The following FLRT2 variants were observed in gnomAD, a reference collection of about 807,000 sequenced individuals.
FLRT2 encodes fibronectin leucine rich transmembrane protein 2.
Under a neutral mutation model 40.0 loss-of-function variants are expected in FLRT2, and 15 were observed. The ratio of observed to expected loss-of-function variants is 0.38; its 90% CI spans 0.25 to 0.58. FLRT2 has a LOEUF of 0.58. FLRT2 is among the 20% of genes least tolerant of loss of function. FLRT2 has a pLI of 0.71. For synonymous variants in FLRT2, 380 were observed against 336.8 expected, an observed-to-expected ratio of 1.13 and a Z score of -1.41; for missense variants, 726 against 840.0, an observed-to-expected ratio of 0.86 and a Z score of 1.68.
intron 1 of FLRT2, among the ~76,000 whole-genome samples, chr14:85,532,884 C>A: frequency 6.6e-6 from 1 of 152,160 alleles, no homozygotes; most frequent in East Asian, 1.9e-4. Context: ...GGCAGTACAC[C>A]ATTAAGCAGG....
In FLRT2 at chr14:85,643,398, T is replaced by C. The variant is rs1267091908; in HGVS notation, c.*19901T>C. The C allele has an allele frequency of 1.5e-5, 2 of 131,742 alleles. No individual in the cohort carries two copies. The highest frequency in any genetic ancestry group is 2.8e-5 in the African/African-American group (1 of 35,900). 8.2% of individuals were successfully genotyped at this position (131,742 alleles called of 1,614,324 possible). A position where few individuals can be genotyped will look rare whatever the true frequency, so the allele number is the denominator to read the frequency against. ...TCCTTTCTTTCCTTTCTCCTTTTTC[T>C]TTTTTTTGTTTTGAGACAGGTTCTC... On this transcript the variant is annotated 3_prime_UTR_variant, in exon 2 of 2. Transcript: ENST00000330753.
In FLRT2 at chr14:85,645,265, T is replaced by C. The variant is rs1417136386; in HGVS notation, c.*21768T>C. Reference sequence around the variant, plus strand: ...ATATGTATACATGTGTATATATGTATACATGTGTATATATGTATATACATA... The same window carrying C: ...ATATGTATACATGTGTATATATGTACACATGTGTATATATGTATATACATA... On this transcript the variant is annotated 3_prime_UTR_variant, in exon 2 of 2. Coordinates refer to ENST00000330753, the MANE Select transcript of FLRT2 (RefSeq NM_013231.6). 1.3e-5 allele frequency: 2 copies of C among 149,750 alleles called. No homozygotes were observed. The highest frequency in any genetic ancestry group is 6.6e-5 in the Admixed American group (1 of 15,042). The allele number at this position is 149,750 out of a possible 1,614,324, so 9.3% of individuals were successfully genotyped here.
chr14:85,581,646 A>G (rs186016533), intron 1 of FLRT2, among the ~76,000 whole-genome samples: 16 of 152,316 alleles, frequency 1.1e-4, no homozygotes, highest in Admixed American at 6.5e-4. Context: ...TAAAGTAGTA[A>G]CATTATATAC....
At chr14:85,584,658 G>A (rs1029695481) in intron 1 of FLRT2, among the ~76,000 whole-genome samples, 24 of 152,138 alleles carry the variant, frequency 1.6e-4, no homozygotes, top group African/African-American at 5.3e-4. Flanking sequence ...GCAGAGAATC[G>A]CTTCCTGTGC....
At chr14:85,538,229 C>T (rs10149091) in intron 1 of FLRT2, among the ~76,000 whole-genome samples, 20 of 152,080 alleles carry the variant, frequency 1.3e-4, no homozygotes, top group African/African-American at 3.9e-4. Flanking sequence ...TTGTTACATC[C>T]GGATCTGTTA....
At chr14:85,553,666 A>G (rs1399898719) in intron 1 of FLRT2, among the ~76,000 whole-genome samples, 1 of 152,134 alleles carries the variant, frequency 6.6e-6, no homozygotes, top group Non-Finnish European at 1.5e-5. Context: ...GTTAACAAAT[A>G]TTTGTGGAAG....
At chr14:85,533,143 G>A (rs952658004) in intron 1 of FLRT2, among the ~76,000 whole-genome samples, 8 of 152,196 alleles carry the variant, frequency 5.3e-5, no homozygotes, top group African/African-American at 1.2e-4. Flanking sequence ...GGGACTCCGG[G>A]AGAGAGGGAG....
Position 85,637,966 on chromosome 14 carries a change from C to T in FLRT2, c.*14469C>T, listed in dbSNP as rs1365001167. The stretch of plus-strand genomic sequence containing the variant: ...CCTCCACTGTGCTTGAAATGCCTAT[C>T]ATTATCCTTATTCTTTTGATACCAG... On this transcript the variant is annotated 3_prime_UTR_variant, in exon 2 of 2. Transcript: ENST00000330753. The T allele has an allele frequency of 6.6e-6, 1 of 152,174 alleles. No individual in the cohort carries two copies. Among genetic ancestry groups the T allele is most frequent in the Non-Finnish European group, 1.5e-5 (1 of 68,050 alleles). The allele number at this position is 152,174 out of a possible 1,614,324, so 9.4% of individuals were successfully genotyped here.
chr14:85,653,907 G>A lies in FLRT2; in HGVS notation c.*30410G>A, dbSNP rs570268320. The A allele has an allele frequency of 4.9e-4, 74 of 152,256 alleles. 1 individual carries two copies. The highest frequency in any genetic ancestry group is 1.8e-3 in the African/African-American group (74 of 41,568). 9.4% of individuals were successfully genotyped at this position (152,256 alleles called of 1,614,324 possible). A position where few individuals can be genotyped will look rare whatever the true frequency, so the allele number is the denominator to read the frequency against. On this transcript the variant is annotated 3_prime_UTR_variant, in exon 2 of 2. Transcript: ENST00000330753. ...ATTATACCTATTTTTTTAAATTGAA[G>A]TACAAAGAAACTGTAGCTATAATTA... is the stretch of plus-strand genomic sequence containing the variant.
intron 1 of FLRT2, among the ~76,000 whole-genome samples, chr14:85,557,057 G>T (rs890045169): frequency 6.6e-6 from 1 of 152,080 alleles, no homozygotes. Flanking sequence ...CAGTATGGGG[G>T]AAACTGCCCC....
chr14:85,583,506 G>A (rs754180799), intron 1 of FLRT2, among the ~76,000 whole-genome samples: 7 of 152,070 alleles, frequency 4.6e-5, no homozygotes, highest in South Asian at 2.1e-4. Flanking sequence ...GGAACAGAAC[G>A]CTCCTATTTT....
intron 1 of FLRT2, among the ~76,000 whole-genome samples, chr14:85,572,463 A>G (rs970592402): frequency 6.6e-6 from 1 of 152,242 alleles, no homozygotes. Context: ...GGAGCAGGAC[A>G]GTATATCCAG....
At chr14:85,588,008 C>T (rs1595058612) in intron 1 of FLRT2, among the ~76,000 whole-genome samples, 1 of 151,834 alleles carries the variant, frequency 6.6e-6, no homozygotes, top group South Asian at 2.1e-4. Flanking sequence ...CTCAGCTCAC[C>T]GCAATCTCGG....
rs1893460357 is a variant in FLRT2 at position 85,622,705 on chromosome 14, T to G, written c.1191T>G (p.Pro397=). 1 of 1,613,980 alleles carries G rather than the reference T, an allele frequency of 6.2e-7. No homozygotes were observed. Among genetic ancestry groups the G allele is most frequent in the Non-Finnish European group, 8.5e-7 (1 of 1,180,010 alleles). ...CAAACCCTAGCAGAAGCTACACGCCTCCAACTCCTACCACATCGAAACTTC... is the reference window on the plus strand; with the variant it reads ...CAAACCCTAGCAGAAGCTACACGCCGCCAACTCCTACCACATCGAAACTTC... ...SIPNPSRSYT[P]PTPTTSKLPT... The change falls in exon 2 of 2, where the codon CCT becomes CCG. Residue 397 remains proline (P), a synonymous_variant. Transcript: ENST00000330753.
chr14:85,614,685 G>A (rs1893046675), intron 1 of FLRT2, among the ~76,000 whole-genome samples: 1 of 152,116 alleles, frequency 6.6e-6, no homozygotes, highest in Non-Finnish European at 1.5e-5. Context: ...CAGGGGTGGG[G>A]CCCAGAAACC....
rs1891602340 is a variant in FLRT2 at position 85,586,113 on chromosome 14, A to G, written c.-376-35026A>G. Among the ~76,000 whole-genome samples, 4 of 148,270 alleles carry G rather than the reference A, an allele frequency of 2.7e-5. No individual in the cohort carries two copies. In the South Asian group the frequency reaches 8.4e-4, roughly 31 times the overall value. ...GTGTATATTTATTATATTTTATATA[A>G]TCAGTGTTTATATAATATATATAAT... is the stretch of plus-strand genomic sequence containing the variant. On this transcript the variant is annotated intron_variant, in intron 1 of 1. Transcript: ENST00000330753.
At chr14:85,544,998 A>G (rs58842934) in intron 1 of FLRT2, among the ~76,000 whole-genome samples, 29,477 of 152,050 alleles carry the variant, frequency 0.19, 3,269 homozygotes, top group African/African-American at 0.28. Flanking sequence ...CATGTTGGGA[A>G]TACTTCCCAA....
rs574326558 is a variant in FLRT2, at chr14:85,632,551, T to A, written c.*9054T>A. On this transcript the variant is annotated 3_prime_UTR_variant, in exon 2 of 2. Transcript: ENST00000330753. Reference sequence around the variant, plus strand: ...GCACAAGTAGACACAAAGTTAAACATTTCGACAGTCGGCTAGTCAAAATGA... The same window carrying A: ...GCACAAGTAGACACAAAGTTAAACAATTCGACAGTCGGCTAGTCAAAATGA... The A allele has an allele frequency of 7.3e-5, 11 of 151,246 alleles. No homozygotes were observed. Among genetic ancestry groups the A allele is most frequent in the Admixed American group, 5.3e-4 (8 of 15,218 alleles). The allele number at this position is 151,246 out of a possible 1,614,324, so 9.4% of individuals were successfully genotyped here.
intron 1 of FLRT2, among the ~76,000 whole-genome samples, chr14:85,551,404 T>A (rs1433649271): frequency 6.6e-6 from 1 of 152,186 alleles, no homozygotes; most frequent in Non-Finnish European, 1.5e-5. Flanking sequence ...GGCATGCCAC[T>A]GGTGGAAATT....
Sources: gnomAD v4.1 joint callset for allele counts (sites outside exome capture counted in the v4.1 genomes callset) on GRCh38, gnomAD v4.1.1 for gene constraint, MANE v1.5 for transcripts, NCBI Gene and HGNC (gene_info 2026-07-23, HGNC 2026-07-21) for gene names.